HS3ST4: variants seen among roughly 807,000 people sequenced by gnomAD.
HS3ST4 encodes heparan sulfate glucosamine 3-O-sulfotransferase 4.
Under a neutral mutation model 29.2 loss-of-function variants are expected in HS3ST4, and 17 were observed. The ratio of observed to expected loss-of-function variants is 0.58; its 90% CI spans 0.40 to 0.87. The LOEUF is 0.87. HS3ST4 is among the 40% of genes least tolerant of loss of function. HS3ST4 has a pLI of 0.00. For synonymous variants in HS3ST4, 314 were observed against 285.7 expected, an observed-to-expected ratio of 1.10 and a Z score of -1.00; for missense variants, 627 against 634.5, an observed-to-expected ratio of 0.99 and a Z score of 0.13.
At chr16:25,843,268 A>G (rs1159635064) in intron 1 of HS3ST4, among the ~76,000 whole-genome samples, 3 of 152,156 alleles carry the variant, frequency 2.0e-5, no homozygotes, top group Admixed American at 6.5e-5. Flanking sequence ...AGACGATGCT[A>G]TCAACTGGGA....
intron 1 of HS3ST4, among the ~76,000 whole-genome samples, chr16:25,882,748 G>A (rs1967906673): frequency 1.3e-5 from 2 of 152,134 alleles, no homozygotes; most frequent in Non-Finnish European, 2.9e-5. Context: ...AAGTCTTGGG[G>A]CACAGACAGA....
intron 1 of HS3ST4, among the ~76,000 whole-genome samples, chr16:26,088,083 G>A (rs993766567): frequency 6.6e-6 from 1 of 152,142 alleles, no homozygotes; most frequent in African/African-American, 2.4e-5. Flanking sequence ...GGTCCTGAGA[G>A]CCTCAATTCC....
At chr16:26,083,272 TG>T (rs1260463688) in intron 1 of HS3ST4, among the ~76,000 whole-genome samples, 1 of 152,230 alleles carries the variant, frequency 6.6e-6, no homozygotes, top group Admixed American at 6.5e-5. Context: ...CTAGGCACAG[TG>T]CATTGCAATC....
intron 1 of HS3ST4, among the ~76,000 whole-genome samples, chr16:26,072,948 A>G (rs2141778146): frequency 6.6e-6 from 1 of 152,366 alleles, no homozygotes; most frequent in Non-Finnish European, 1.5e-5. Context: ...ACAAAAAATA[A>G]ATCTGCTTAA....
At chr16:25,976,278 T>C (rs1968942495) in intron 1 of HS3ST4, among the ~76,000 whole-genome samples, 1 of 152,218 alleles carries the variant, frequency 6.6e-6, no homozygotes, top group South Asian at 2.1e-4. Context: ...GGTTGTTATC[T>C]GCTCATATTT....
chr16:25,993,493 G>A (rs1969130948), intron 1 of HS3ST4, among the ~76,000 whole-genome samples: 1 of 152,006 alleles, frequency 6.6e-6, no homozygotes, highest in Non-Finnish European at 1.5e-5. Context: ...AAGAGGTGTA[G>A]GGGAAAGCAG....
intron 1 of HS3ST4, among the ~76,000 whole-genome samples, chr16:26,130,476 C>A (rs554056875): frequency 2.0e-5 from 3 of 152,228 alleles, no homozygotes; most frequent in Non-Finnish European, 4.4e-5. Flanking sequence ...GCAGCTAGTA[C>A]ATGTCAGACA....
intron 1 of HS3ST4, among the ~76,000 whole-genome samples, chr16:25,720,991 A>C (rs1966489019): frequency 6.6e-6 from 1 of 152,204 alleles, no homozygotes. Context: ...TGTTGCCCAA[A>C]CAAAAGATGA....
chr16:26,100,087 GA>G (rs1476231289), intron 1 of HS3ST4, among the ~76,000 whole-genome samples: 1 of 152,080 alleles, frequency 6.6e-6, no homozygotes, highest in Non-Finnish European at 1.5e-5. Context: ...GAAAAGCTGT[GA>G]ATGTGATGGA....
At chr16:25,728,920 T>TA (rs981847153) in intron 1 of HS3ST4, among the ~76,000 whole-genome samples, 16 of 151,552 alleles carry the variant, frequency 1.1e-4, no homozygotes, top group Non-Finnish European at 2.1e-4. Flanking sequence ...CCCATTTCTA[T>TA]AAAAAAATAA....
chr16:25,692,398 GCCGCGAGCCGGGAGCCGCGA>G lies in HS3ST4; in HGVS notation c.-19_1del. The stretch of plus-strand genomic sequence containing the variant: ...GGGGGCTGCCGCCGCCGCCGCCGCC[GCCGCGAGCCGGGAGCCGCGA>G]TGGCCCGGTGGCCCGCACCTCCTCC... On this transcript the variant is annotated start_lost and 5_prime_UTR_variant, in exon 1 of 2. Coordinates refer to ENST00000331351, the MANE Select transcript of HS3ST4 (RefSeq NM_006040.3). The G allele has an allele frequency of 1.2e-6, 1 of 828,834 alleles. No individual in the cohort carries two copies. Among genetic ancestry groups the G allele is most frequent in the Non-Finnish European group, 1.5e-6 (1 of 674,484 alleles). 51.3% of individuals were successfully genotyped at this position (828,834 alleles called of 1,614,324 possible).
chr16:25,997,282 T>C (rs1273426413), intron 1 of HS3ST4, among the ~76,000 whole-genome samples: 2 of 152,214 alleles, frequency 1.3e-5, no homozygotes, highest in Admixed American at 6.5e-5. Context: ...AATGAAATGA[T>C]GTTTAAGAGT....
intron 1 of HS3ST4, among the ~76,000 whole-genome samples, chr16:25,974,587 G>T (rs1215763918): frequency 2.0e-5 from 3 of 150,202 alleles, no homozygotes; most frequent in Admixed American, 2.0e-4. Flanking sequence ...CCCCTTTAGA[G>T]GGTGCTTGAG....
chr16:25,796,108 A>G (rs1232752784), intron 1 of HS3ST4, among the ~76,000 whole-genome samples: 1 of 152,150 alleles, frequency 6.6e-6, no homozygotes, highest in Admixed American at 6.5e-5. Flanking sequence ...CTAATTAGGC[A>G]GCCCTGAACC....
intron 1 of HS3ST4, among the ~76,000 whole-genome samples, chr16:25,738,147 A>G (rs1209974989): frequency 6.6e-6 from 1 of 151,344 alleles, no homozygotes; most frequent in East Asian, 1.9e-4. Flanking sequence ...CTCATGATCT[A>G]CCCTCCTCGG....
At chr16:25,693,202 A>AG in intron 1 of HS3ST4, 51 bp downstream of exon 1, 1 of 1,485,446 alleles carries the variant, frequency 6.7e-7, no homozygotes, top group Non-Finnish European at 9.0e-7. Flanking sequence ...GGAGACGCGG[A>AG]GGGGAAGCCG....
intron 1 of HS3ST4, among the ~76,000 whole-genome samples, chr16:25,838,238 T>G (rs11646441): frequency 0.13 from 19,547 of 152,272 alleles, 1,425 homozygotes; most frequent in East Asian, 0.21. Context: ...TCAAGTTTGC[T>G]AAAAGCTATC....
At chr16:25,775,573 A>G (rs1224385104) in intron 1 of HS3ST4, among the ~76,000 whole-genome samples, 2 of 152,122 alleles carry the variant, frequency 1.3e-5, no homozygotes, top group Non-Finnish European at 2.9e-5. Context: ...CATCCCCACC[A>G]CATGCACCTC....
chr16:26,106,067 A>G (rs980721284), intron 1 of HS3ST4, among the ~76,000 whole-genome samples: 15 of 152,212 alleles, frequency 9.9e-5, no homozygotes, highest in African/African-American at 3.4e-4. Flanking sequence ...ACTTGTTCCT[A>G]TGGTGGTTTC....
Sources: allele counts gnomAD v4.1 joint callset (sites outside exome capture counted in the v4.1 genomes callset), GRCh38; gene constraint gnomAD v4.1.1; transcripts MANE v1.5; gene names NCBI Gene and HGNC (gene_info 2026-07-23, HGNC 2026-07-21).